AR: variants seen among roughly 807,000 people sequenced by gnomAD.
AR encodes androgen receptor.
Under a neutral mutation model 53.9 loss-of-function variants are expected in AR, and 8 were observed. The observed-to-expected ratio is 0.15, with a 90% CI of 0.09 to 0.27. The LOEUF is 0.27. Ranked by LOEUF, AR falls within the 10% of genes least tolerant of loss-of-function variation. The probability of loss-of-function intolerance (pLI) is 1.00; values close to 1 mark genes in which losing one functional copy is unlikely to be tolerated. For missense variants in AR, 639 were observed against 742.5 expected, an observed-to-expected ratio of 0.86 and a Z score of 1.62; for synonymous variants, 359 against 316.4, an observed-to-expected ratio of 1.13 and a Z score of -1.43.
At chrX:67,652,038 G>A (rs1234218070) in intron 2 of AR, among the ~76,000 whole-genome samples, 1 of 111,655 alleles carries the variant, frequency 9.0e-6, no homozygotes, top group Non-Finnish European at 1.9e-5. Context: ...TGGCTCTTTG[G>A]TTTGAGCCTT....
At chrX:67,630,230 C>G (rs1448490869) in intron 1 of AR, among the ~76,000 whole-genome samples, 1 of 110,952 alleles carries the variant, frequency 9.0e-6, no homozygotes, top group African/African-American at 3.3e-5. Flanking sequence ...CTAATGTTGA[C>G]AGTGGGGTGT....
chrX:67,699,517 C>T (rs2076034103), intron 3 of AR, among the ~76,000 whole-genome samples: 1 of 111,779 alleles, frequency 8.9e-6, no homozygotes, highest in African/African-American at 3.3e-5. Flanking sequence ...GGATCCCAGT[C>T]CCGTAAGGGC....
At chrX:67,705,343 C>T (rs955862778) in intron 3 of AR, among the ~76,000 whole-genome samples, 21 of 111,195 alleles carry the variant, frequency 1.9e-4, no homozygotes, top group Non-Finnish European at 3.8e-4. Context: ...TTGTAGTTCT[C>T]CTTGAAGAGG....
chrX:67,655,290 G>T (rs1326864464), intron 2 of AR, among the ~76,000 whole-genome samples: 1 of 110,410 alleles, frequency 9.1e-6, no homozygotes, highest in Non-Finnish European at 1.9e-5. Context: ...ATACAGAAGG[G>T]GTTGGTTCTT....
At chrX:67,630,778 C>T (rs1025637840) in intron 1 of AR, among the ~76,000 whole-genome samples, 2 of 110,449 alleles carry the variant, frequency 1.8e-5, no homozygotes, top group Admixed American at 9.6e-5. Flanking sequence ...CGGCTGGTAC[C>T]GGTCGTTCCT....
At chrX:67,656,295 T>G (rs1926585524) in intron 2 of AR, among the ~76,000 whole-genome samples, 2 of 111,359 alleles carry the variant, frequency 1.8e-5, no homozygotes, top group African/African-American at 6.5e-5. Flanking sequence ...TCCAGTCTGG[T>G]GGGCCTGCCT....
At chrX:67,614,133 G>A (rs1924000934) in intron 1 of AR, among the ~76,000 whole-genome samples, 1 of 112,197 alleles carries the variant, frequency 8.9e-6, no homozygotes. Flanking sequence ...AGGTTACTGT[G>A]CAGAGGCAGT....
At chrX:67,576,593 C>T (rs1053859299) in intron 1 of AR, among the ~76,000 whole-genome samples, 6 of 111,363 alleles carry the variant, frequency 5.4e-5, no homozygotes, top group African/African-American at 1.3e-4. Flanking sequence ...GCATCCTCCT[C>T]CTAATACACT....
intron 4 of AR, among the ~76,000 whole-genome samples, chrX:67,715,565 G>T (rs1051971615): frequency 8.9e-5 from 10 of 111,909 alleles, no homozygotes; most frequent in African/African-American, 3.3e-4. Flanking sequence ...ACAAAAGCTG[G>T]TGACCTTGGT....
chrX:67,643,693 T>C (rs1221213374), intron 2 of AR, among the ~76,000 whole-genome samples: 1 of 111,867 alleles, frequency 8.9e-6, no homozygotes, highest in Non-Finnish European at 1.9e-5. Context: ...TTTGAAAAGA[T>C]TTAATTTCCT....
intron 4 of AR, among the ~76,000 whole-genome samples, chrX:67,713,055 C>A (rs1361231704): frequency 8.9e-6 from 1 of 112,003 alleles, no homozygotes; most frequent in Non-Finnish European, 1.9e-5. Flanking sequence ...ATTCCAAATT[C>A]TCTCTATTCC....
rs769052685 is a variant in AR at position 67,664,294 on chromosome X, G to A, written c.1768+20887G>A. On this transcript the variant is annotated intron_variant, in intron 2 of 7. Transcript: ENST00000374690. ...TGAAGATGGTGATGTACAGATGAGCGTTTGGTGTGGATGTCCTTTCTGTTT... is the reference window on the plus strand; with the variant it reads ...TGAAGATGGTGATGTACAGATGAGCATTTGGTGTGGATGTCCTTTCTGTTT... Among the ~76,000 whole-genome samples, 18 of 111,691 alleles carry A rather than the reference G, an allele frequency of 1.6e-4. No homozygotes were observed. In the South Asian group the frequency reaches 4.5e-3, roughly 28 times the overall value.
intron 1 of AR, among the ~76,000 whole-genome samples, chrX:67,567,902 A>C (rs905865341): frequency 8.9e-6 from 1 of 111,792 alleles, no homozygotes; most frequent in Non-Finnish European, 1.9e-5. Context: ...TTTTTTCTAA[A>C]AGCCTGTGCA....
intron 3 of AR, among the ~76,000 whole-genome samples, chrX:67,701,263 A>G: frequency 8.9e-6 from 1 of 111,748 alleles, no homozygotes; most frequent in African/African-American, 3.2e-5. Flanking sequence ...CGTAGCCCAC[A>G]TGTGGCTAGT....
chrX:67,727,882 T>TAA lies in AR; in HGVS notation c.*4043_*4044dup, dbSNP rs2076164044. ...AAAGCACCAGATCAAATCCAAAACT[T>TAA]AAAGTCAAAATAAGCCATTCAGCAT... On this transcript the variant is annotated 3_prime_UTR_variant, in exon 8 of 8. Coordinates refer to ENST00000374690, the MANE Select transcript of AR (RefSeq NM_000044.6). The TAA allele has an allele frequency of 5.8e-6, 1 of 173,495 alleles. No individual in the cohort carries two copies. 14.3% of individuals were successfully genotyped at this position (173,495 alleles called of 1,213,427 possible). A position where few individuals can be genotyped will look rare whatever the true frequency, so the allele number is the denominator to read the frequency against.
chrX:67,641,051 G>A (rs955816922), intron 1 of AR, among the ~76,000 whole-genome samples: 1 of 111,397 alleles, frequency 9.0e-6, no homozygotes, highest in Non-Finnish European at 1.9e-5. Flanking sequence ...CTGGTCCATA[G>A]GGCCAGATGC....
intron 2 of AR, among the ~76,000 whole-genome samples, chrX:67,670,341 A>G (rs1387102442): frequency 1.0e-5 from 1 of 98,519 alleles, no homozygotes; most frequent in Admixed American, 1.1e-4. Flanking sequence ...TTAAAAAATA[A>G]TAATTGTTCT....
intron 1 of AR, among the ~76,000 whole-genome samples, chrX:67,585,726 A>G (rs1328318535): frequency 8.9e-6 from 1 of 112,174 alleles, no homozygotes; most frequent in Non-Finnish European, 1.9e-5. Context: ...GTTTGGAGAT[A>G]GGGAAGAGTT....
intron 1 of AR, among the ~76,000 whole-genome samples, chrX:67,552,187 A>G (rs1569267054): frequency 9.0e-6 from 1 of 111,600 alleles, no homozygotes; most frequent in East Asian, 2.8e-4. Context: ...TCATCCCCCT[A>G]TATTCCCTCA....
Sources: allele counts gnomAD v4.1 joint callset (sites outside exome capture counted in the v4.1 genomes callset), GRCh38; gene constraint gnomAD v4.1.1; transcripts MANE v1.5; gene names NCBI Gene and HGNC (gene_info 2026-07-23, HGNC 2026-07-21).